The following FAAH2 variants were observed in gnomAD, a reference collection of about 807,000 sequenced individuals.
FAAH2 encodes the protein fatty acid amide hydrolase 2.
FAAH2 carries 60 observed loss-of-function variants against 36.9 expected under a neutral mutation model. The observed-to-expected ratio is 1.63, with a 90% CI of 1.32 to 2.02. The LOEUF (loss-of-function observed/expected upper bound fraction) is 2.02. Ranked by LOEUF, FAAH2 falls within the 30% of genes most tolerant of loss-of-function variation. The pLI is 0.00. For synonymous variants in FAAH2, 214 were observed against 143.8 expected (o/e 1.49, Z -3.49); for missense variants, 689 against 397.5 (o/e 1.73, Z -6.23).
chrX:57,448,202 C>T (rs909880778), intron 9 of FAAH2, among the ~76,000 whole-genome samples: 5 of 111,880 alleles, frequency 4.5e-5, no homozygotes, highest in Non-Finnish European at 9.4e-5. Flanking sequence ...AACCCCTGGG[C>T]TCAAGTAATC....
chrX:57,198,953 G>T, the FAAH2 span, among the ~76,000 whole-genome samples: 1 of 111,983 alleles, frequency 8.9e-6, no homozygotes, highest in Non-Finnish European at 1.9e-5. Context: ...TTTTTGTGGT[G>T]TTTTATGGAG....
intron 7 of FAAH2, among the ~76,000 whole-genome samples, chrX:57,396,222 CAATT>C (rs2055292249): frequency 9.0e-6 from 1 of 111,188 alleles, no homozygotes; most frequent in Non-Finnish European, 1.9e-5. Context: ...GCTGTCTTCT[CAATT>C]AATCTAGTTG....
chrX:57,379,597 G>A (rs767955609), intron 6 of FAAH2, among the ~76,000 whole-genome samples: 3 of 107,972 alleles, frequency 2.8e-5, no homozygotes, highest in Non-Finnish European at 3.8e-5. Context: ...TTATTATTAA[G>A]CATCCTAAGT....
At chrX:57,318,116 A>C (rs1416930421) in intron 3 of FAAH2, among the ~76,000 whole-genome samples, 2 of 111,724 alleles carry the variant, frequency 1.8e-5, no homozygotes, top group Non-Finnish European at 3.8e-5. Context: ...GAGAAGCAAG[A>C]GCAAACAAAT....
the FAAH2 span, among the ~76,000 whole-genome samples, chrX:57,262,907 A>G: frequency 9.0e-6 from 1 of 111,608 alleles, no homozygotes; most frequent in African/African-American, 3.2e-5. Context: ...ACAAAATTCT[A>G]CATTCATTCA....
chrX:57,217,574 C>G, the FAAH2 span, among the ~76,000 whole-genome samples: 1 of 111,496 alleles, frequency 9.0e-6, no homozygotes, highest in Non-Finnish European at 1.9e-5. Context: ...TTTGCTTTGT[C>G]GAACATCAGT....
chrX:57,308,518 G>C (rs1332158747), intron 2 of FAAH2, among the ~76,000 whole-genome samples: 3 of 111,402 alleles, frequency 2.7e-5, no homozygotes, highest in Non-Finnish European at 5.7e-5. Flanking sequence ...GTTCCTTATA[G>C]ATTCTGGATA....
intron 8 of FAAH2, among the ~76,000 whole-genome samples, chrX:57,434,057 A>T (rs2056359106): frequency 9.0e-6 from 1 of 110,766 alleles, no homozygotes; most frequent in Non-Finnish European, 1.9e-5. Context: ...TATTGACTTT[A>T]AAAAAGGCTT....
At chrX:57,250,555 T>C in the FAAH2 span, among the ~76,000 whole-genome samples, 10 of 111,122 alleles carry the variant, frequency 9.0e-5, no homozygotes, top group Non-Finnish European at 1.7e-4. Flanking sequence ...ATGCATATGT[T>C]AATAAGCATG....
intron 5 of FAAH2, among the ~76,000 whole-genome samples, chrX:57,375,556 G>T (rs1483797012): frequency 9.1e-6 from 1 of 109,588 alleles, no homozygotes; most frequent in African/African-American, 3.3e-5. Context: ...GTCTTTCTCT[G>T]GTTTGGTTGT....
At chrX:57,254,847 A>G in the FAAH2 span, among the ~76,000 whole-genome samples, 1 of 111,738 alleles carries the variant, frequency 8.9e-6, no homozygotes, top group Non-Finnish European at 1.9e-5. Flanking sequence ...TGACACCCTA[A>G]CATCAAAATT....
the FAAH2 span, among the ~76,000 whole-genome samples, chrX:57,165,819 G>A: frequency 9.0e-6 from 1 of 111,176 alleles, no homozygotes; most frequent in Non-Finnish European, 1.9e-5. Context: ...GGGGTCCCTG[G>A]CAAGAACTCC....
At chrX:57,456,779 T>G (rs2056871222) in intron 10 of FAAH2, among the ~76,000 whole-genome samples, 1 of 110,686 alleles carries the variant, frequency 9.0e-6, no homozygotes, top group African/African-American at 3.3e-5. Flanking sequence ...AATAACAAGT[T>G]CAGAAATTGA....
chrX:57,417,466 A>G (rs2055874438), intron 7 of FAAH2, among the ~76,000 whole-genome samples: 2 of 111,010 alleles, frequency 1.8e-5, no homozygotes, highest in Admixed American at 9.6e-5. Flanking sequence ...TTGTTAGTCT[A>G]TTTTCTAACA....
chrX:57,189,501 T>C, the FAAH2 span, among the ~76,000 whole-genome samples: 14 of 109,494 alleles, frequency 1.3e-4, no homozygotes, highest in Non-Finnish European at 2.5e-4. Flanking sequence ...TTGGCACTGG[T>C]TTTTCCTCAT....
rs772650286 is a variant in FAAH2, at chrX:57,402,287, A to G, written c.996+21258A>G. Among the ~76,000 whole-genome samples the G allele has an allele frequency of 1.4e-4, 16 of 112,032 alleles. No homozygotes were observed. In the South Asian group the frequency reaches 6.0e-3, roughly 42 times the overall value. On this transcript the variant is annotated intron_variant, in intron 7 of 10. Coordinates refer to ENST00000374900, the MANE Select transcript of FAAH2 (RefSeq NM_174912.4). The stretch of plus-strand genomic sequence containing the variant: ...GAGGGGGCAGCTTATTTCTACTCAG[A>G]CAATCTTTTTAAAGTGTCCTTGTAG...
intron 7 of FAAH2, among the ~76,000 whole-genome samples, chrX:57,419,844 G>T (rs1412140921): frequency 9.0e-6 from 1 of 111,659 alleles, no homozygotes; most frequent in Non-Finnish European, 1.9e-5. Context: ...GGGTTTTTAT[G>T]GTTTTAGGTC....
the FAAH2 span, among the ~76,000 whole-genome samples, chrX:57,271,395 G>A: frequency 1.8e-5 from 2 of 112,178 alleles, no homozygotes; most frequent in Non-Finnish European, 3.8e-5. Context: ...GGACCTCCCA[G>A]CACAGTGTTC....
intron 7 of FAAH2, among the ~76,000 whole-genome samples, chrX:57,410,145 A>G (rs1258269544): frequency 1.8e-5 from 2 of 109,859 alleles, no homozygotes; most frequent in Non-Finnish European, 3.8e-5. Context: ...TCAGAAGGAT[A>G]TTTGTTTATT....
Sources: allele counts gnomAD v4.1 joint callset (sites outside exome capture counted in the v4.1 genomes callset), GRCh38; gene constraint gnomAD v4.1.1; transcripts MANE v1.5; gene names NCBI Gene and HGNC (gene_info 2026-07-23, HGNC 2026-07-21).